MAD1L1: variants seen among roughly 807,000 people sequenced by gnomAD.
MAD1L1 encodes the protein mitotic spindle assembly checkpoint protein MAD1.
A neutral mutation model predicts 96.9 loss-of-function variants in MAD1L1; 95 were observed. The observed-to-expected ratio is 0.98, with a 90% confidence interval of 0.83 to 1.16. The LOEUF is 1.16. Among genes scored for constraint, MAD1L1 ranks in the 50% most tolerant of loss-of-function variants. The pLI, the probability that MAD1L1 is intolerant of heterozygous loss-of-function variation, is 0.00. For synonymous variants in MAD1L1, 473 were observed against 396.6 expected (o/e 1.19, Z -2.29); for missense variants, 1,007 against 954.4 (o/e 1.06, Z -0.73).
At chr7:1,870,378 C>A (rs1784994940) in intron 18 of MAD1L1, among the ~76,000 whole-genome samples, 1 of 144,216 alleles carries the variant, frequency 6.9e-6, no homozygotes, top group Non-Finnish European at 1.5e-5. Context: ...CATACGCTTG[C>A]CATGCTGAAC....
At chr7:1,852,114 C>G (rs1273439867) in intron 18 of MAD1L1, among the ~76,000 whole-genome samples, 37 of 152,342 alleles carry the variant, frequency 2.4e-4, no homozygotes, top group African/African-American at 2.6e-4. Context: ...GGGCAGGACC[C>G]AGACTTGGGG....
intron 11 of MAD1L1, among the ~76,000 whole-genome samples, chr7:2,092,424 C>G (rs930907852): frequency 2.0e-5 from 3 of 152,062 alleles, no homozygotes; most frequent in African/African-American, 7.2e-5. Flanking sequence ...ACGCCCCACC[C>G]AAGCATCCTC....
chr7:1,972,070 G>T (rs1780428499), intron 15 of MAD1L1, among the ~76,000 whole-genome samples: 1 of 152,174 alleles, frequency 6.6e-6, no homozygotes, highest in Middle Eastern at 3.2e-3. Flanking sequence ...GTACAATCCA[G>T]AGACTGCTCG....
At chr7:2,153,911 G>A (rs970231602) in intron 10 of MAD1L1, among the ~76,000 whole-genome samples, 36 of 152,082 alleles carry the variant, frequency 2.4e-4, no homozygotes, top group African/African-American at 6.0e-4. Context: ...TAATCCCACC[G>A]CTTTGGGAGG....
chr7:2,218,153 C>G, intron 6 of MAD1L1, 110 bp from the exon 7 acceptor site: 1 of 815,028 alleles, frequency 1.2e-6, no homozygotes, highest in South Asian at 1.5e-5. Flanking sequence ...TCATTCCCAC[C>G]CCAAGGTTCA....
chr7:2,067,224 C>T (rs1784917476), intron 12 of MAD1L1, among the ~76,000 whole-genome samples: 2 of 151,570 alleles, frequency 1.3e-5, no homozygotes, highest in Admixed American at 6.6e-5. Flanking sequence ...AGGCCATGTT[C>T]GCAGGCACCC....
Position 2,135,877 on chromosome 7 carries a change from T to A in MAD1L1, c.1073+13275A>T, listed in dbSNP as rs3778993. On this transcript the variant is annotated intron_variant, in intron 11 of 18. Coordinates refer to ENST00000265854, the MANE Select transcript of MAD1L1 (RefSeq NM_001013836.2). ...CAAGGATCTCTATTTTCAGGCTCTTTTCGCCATATAACTCACAAGCAGCCA... is the reference window on the plus strand; with the variant it reads ...CAAGGATCTCTATTTTCAGGCTCTTATCGCCATATAACTCACAAGCAGCCA... Among the ~76,000 whole-genome samples the A allele has an allele frequency of 1.8e-4, 28 of 152,370 alleles. 1 individual carries two copies. The East Asian group carries it at 4.6e-3, about 25-fold the overall frequency.
At chr7:2,066,699 G>C (rs1477789825) in intron 12 of MAD1L1, among the ~76,000 whole-genome samples, 1 of 152,204 alleles carries the variant, frequency 6.6e-6, no homozygotes, top group African/African-American at 2.4e-5. Flanking sequence ...GGCTCCACTA[G>C]ACCATGAGGG....
At chr7:1,999,390 G>A (rs761402648) in intron 14 of MAD1L1, among the ~76,000 whole-genome samples, 17 of 152,268 alleles carry the variant, frequency 1.1e-4, no homozygotes, top group Admixed American at 9.2e-4. Context: ...TGAGCAAAGC[G>A]TCACATCTCC....
chr7:2,050,871 G>C (rs929616886), intron 12 of MAD1L1, among the ~76,000 whole-genome samples: 6 of 152,232 alleles, frequency 3.9e-5, no homozygotes, highest in African/African-American at 1.4e-4. Flanking sequence ...GGGGCCTAGA[G>C]AGGGTTCAGA....
chr7:2,017,032 C>T (rs183279777), intron 12 of MAD1L1, among the ~76,000 whole-genome samples: 2 of 152,360 alleles, frequency 1.3e-5, no homozygotes, highest in South Asian at 2.1e-4. Context: ...AGCTTCTCTT[C>T]GTGACGGCTC....
chr7:1,958,990 G>A (rs981747718), intron 15 of MAD1L1, among the ~76,000 whole-genome samples: 3 of 152,206 alleles, frequency 2.0e-5, no homozygotes, highest in African/African-American at 7.2e-5. Flanking sequence ...GGTGGCTCAC[G>A]CCTGTAATCC....
chr7:1,977,406 G>A (rs762173000), intron 15 of MAD1L1, among the ~76,000 whole-genome samples: 28 of 152,220 alleles, frequency 1.8e-4, no homozygotes, highest in Non-Finnish European at 3.1e-4. Context: ...CCAGCTGCTC[G>A]GAGTGTGGGG....
At position 1,871,137 on chromosome 7, in the gene MAD1L1, G is replaced by A. The variant is rs1333096192; in HGVS notation, c.1998+27063C>T. ...ACCTGCCACACTGAACCCAACATACGCCTGCCACGCTGAACCGACCATAAC... is the reference window on the plus strand; with the variant it reads ...ACCTGCCACACTGAACCCAACATACACCTGCCACGCTGAACCGACCATAAC... On this transcript the variant is annotated intron_variant, in intron 18 of 18. Coordinates refer to ENST00000265854, the MANE Select transcript of MAD1L1 (RefSeq NM_001013836.2). Among the ~76,000 whole-genome samples the A allele has an allele frequency of 1.1e-3, 157 of 136,976 alleles. 2 individuals carry two copies. Among genetic ancestry groups the A allele is most frequent in the African/African-American group, 4.2e-3 (150 of 35,378 alleles). 89.9% of individuals were successfully genotyped at this position (136,976 alleles called of 152,430 possible).
At chr7:2,148,612 A>C (rs1789424741) in intron 11 of MAD1L1, 1 of 152,578 alleles carries the variant, frequency 6.6e-6, no homozygotes, top group Non-Finnish European at 1.5e-5. Flanking sequence ...CACAGCCACG[A>C]GCGAAACCAG....
chr7:2,182,436 T>C (rs1001913504), intron 10 of MAD1L1, among the ~76,000 whole-genome samples: 17 of 152,058 alleles, frequency 1.1e-4, no homozygotes, highest in African/African-American at 3.9e-4. Context: ...AGTTTGGCAA[T>C]TCCTAAAAAA....
Position 2,128,128 on chromosome 7 carries a change from G to A in MAD1L1, c.1073+21024C>T, listed in dbSNP as rs144322886. Among the ~76,000 whole-genome samples the A allele has an allele frequency of 3.5e-3, 537 of 152,280 alleles. 10 individuals carry two copies. Among genetic ancestry groups the A allele is most frequent in the East Asian group, 0.014 (73 of 5,184 alleles). ...CATCCCCTGTTGAGGAGCTGCTGAC[G>A]CCCTCCCAGATTATTTCTAAATTAA... On this transcript the variant is annotated intron_variant, in intron 11 of 18. Coordinates refer to ENST00000265854, the MANE Select transcript of MAD1L1 (RefSeq NM_001013836.2).
rs149265767 is a variant in MAD1L1, at chr7:1,835,783, A to C, written c.1999-19555T>G. Among the ~76,000 whole-genome samples the C allele has an allele frequency of 9.3e-3, 1,412 of 152,264 alleles. 26 individuals carry two copies. Among genetic ancestry groups the C allele is most frequent in the African/African-American group, 0.032 (1,322 of 41,544 alleles). On this transcript the variant is annotated intron_variant, in intron 18 of 18. Coordinates refer to ENST00000265854, the MANE Select transcript of MAD1L1 (RefSeq NM_001013836.2). Reference sequence around the variant, plus strand: ...CAGTGACGTGGGCTGCTCGACTAACACTTATACTGTATTTCTTGATTATAT... The same window carrying C: ...CAGTGACGTGGGCTGCTCGACTAACCCTTATACTGTATTTCTTGATTATAT...
intron 9 of MAD1L1, among the ~76,000 whole-genome samples, chr7:2,215,376 CAAAA>C (rs34020959): frequency 4.8e-5 from 4 of 83,298 alleles, no homozygotes; most frequent in East Asian, 3.2e-4. Context: ...GACTCCATCT[CAAAA>C]AAAAAAAAAA....
Sources: allele counts gnomAD v4.1 joint callset (sites outside exome capture counted in the v4.1 genomes callset), GRCh38; gene constraint gnomAD v4.1.1; transcripts MANE v1.5; gene names NCBI Gene and HGNC (gene_info 2026-07-23, HGNC 2026-07-21).